RPH3A: variants seen among roughly 807,000 people sequenced by gnomAD.
RPH3A encodes the protein rabphilin 3A, also known as rabphilin-3A.
Under a neutral mutation model 102.2 loss-of-function variants are expected in RPH3A, and 48 were observed. The observed-to-expected ratio is 0.47, with a 90% CI of 0.37 to 0.60. The LOEUF (loss-of-function observed/expected upper bound fraction) is 0.60. Ranked by LOEUF, RPH3A falls within the 20% of genes least tolerant of loss-of-function variation. The probability of loss-of-function intolerance (pLI) is 0.00; values close to 1 mark genes in which losing one functional copy is unlikely to be tolerated. For missense variants in RPH3A, 781 were observed against 910.1 expected, an observed-to-expected ratio of 0.86 and a Z score of 1.83; for synonymous variants, 310 against 324.3, an observed-to-expected ratio of 0.96 and a Z score of 0.47.
chr12:112,841,156 A>G (rs2042134295), intron 4 of RPH3A, among the ~76,000 whole-genome samples: 1 of 143,170 alleles, frequency 7.0e-6, no homozygotes, highest in Non-Finnish European at 1.5e-5. Flanking sequence ...TGGGCAACAT[A>G]ACAAGACCTT....
chr12:112,871,280 T>C (rs528156760), intron 10 of RPH3A, among the ~76,000 whole-genome samples: 1 of 152,384 alleles, frequency 6.6e-6, no homozygotes, highest in South Asian at 2.1e-4. Context: ...TACACAACCA[T>C]GCCACTATCC....
At chr12:112,819,807 T>C (rs1452935624) in intron 2 of RPH3A, among the ~76,000 whole-genome samples, 1 of 152,248 alleles carries the variant, frequency 6.6e-6, no homozygotes, top group Non-Finnish European at 1.5e-5. Context: ...TGATTGCTCA[T>C]TCTCCAGCAG....
intron 2 of RPH3A, among the ~76,000 whole-genome samples, chr12:112,826,485 A>C (rs1205784087): frequency 6.6e-6 from 1 of 152,194 alleles, no homozygotes; most frequent in African/African-American, 2.4e-5. Context: ...TCAAGAGTTT[A>C]GCTTGATGGC....
At chr12:112,722,641 T>A (rs755435484) in intron 1 of RPH3A, among the ~76,000 whole-genome samples, 1 of 152,234 alleles carries the variant, frequency 6.6e-6, no homozygotes, top group African/African-American at 2.4e-5. Flanking sequence ...TAAGGGAGGC[T>A]GGGCCAAATG....
chr12:112,660,913 A>G (rs1036297654), intron 1 of RPH3A, among the ~76,000 whole-genome samples: 1 of 152,142 alleles, frequency 6.6e-6, no homozygotes, highest in African/African-American at 2.4e-5. Context: ...ACAGCTGGGC[A>G]GTAGAGCCTC....
At chr12:112,871,502 C>T (rs369564466) in intron 10 of RPH3A, among the ~76,000 whole-genome samples, 3 of 152,158 alleles carry the variant, frequency 2.0e-5, no homozygotes, top group Admixed American at 6.5e-5. Flanking sequence ...AAGGTTCACC[C>T]GTGTTGTAGC....
rs142498556 is a variant in RPH3A, at chr12:112,762,902, A to G, written c.-139-29241A>G. Among the ~76,000 whole-genome samples, 724 of 152,318 alleles carry G rather than the reference A, an allele frequency of 4.8e-3. 5 individuals are homozygous for G. The highest frequency in any genetic ancestry group is 0.016 in the African/African-American group (680 of 41,562). ...CTCCATCCAATCACTGTGGCCAGGAAGAAGGAATATGCTGATCGGACAGAT... is the reference window on the plus strand; with the variant it reads ...CTCCATCCAATCACTGTGGCCAGGAGGAAGGAATATGCTGATCGGACAGAT... On this transcript the variant is annotated intron_variant, in intron 1 of 21. Coordinates refer to the RPH3A transcript ENST00000543106.
chr12:112,710,132 G>T (rs1379423064), intron 1 of RPH3A, among the ~76,000 whole-genome samples: 1 of 151,998 alleles, frequency 6.6e-6, no homozygotes, highest in East Asian at 1.9e-4. Context: ...CCGCCACTAC[G>T]CCCGGCTAAT....
chr12:112,669,364 C>A (rs2040111538), intron 1 of RPH3A, among the ~76,000 whole-genome samples: 1 of 152,086 alleles, frequency 6.6e-6, no homozygotes, highest in South Asian at 2.1e-4. Flanking sequence ...ATCATGTGCC[C>A]ATAATAATTA....
intron 1 of RPH3A, among the ~76,000 whole-genome samples, chr12:112,668,360 C>A (rs879496731): frequency 3.9e-5 from 6 of 152,144 alleles, no homozygotes; most frequent in Admixed American, 2.0e-4. Flanking sequence ...AAGTCAGCAA[C>A]CTTCCAATTT....
intron 1 of RPH3A, among the ~76,000 whole-genome samples, chr12:112,603,762 C>A (rs541282431): frequency 3.3e-5 from 5 of 152,276 alleles, no homozygotes; most frequent in Admixed American, 3.3e-4. Context: ...ATACCCAACA[C>A]CCTGGGAAAA....
intron 10 of RPH3A, chr12:112,874,037 C>T (rs1274327760): frequency 6.6e-6 from 1 of 152,226 alleles, no homozygotes. Context: ...GAACCTGGGA[C>T]AAGACTTGGT....
intron 1 of RPH3A, among the ~76,000 whole-genome samples, chr12:112,700,790 G>T (rs1025289335): frequency 2.6e-5 from 4 of 152,118 alleles, no homozygotes; most frequent in African/African-American, 9.7e-5. Flanking sequence ...TAAAAGTTGA[G>T]GTTCTCCAAA....
intron 1 of RPH3A, among the ~76,000 whole-genome samples, chr12:112,755,310 C>T (rs1277698511): frequency 1.5e-5 from 2 of 136,516 alleles, no homozygotes; most frequent in Non-Finnish European, 3.3e-5. Context: ...CACACACACA[C>T]ACACACACAC....
intron 1 of RPH3A, among the ~76,000 whole-genome samples, chr12:112,621,851 C>T (rs987058340): frequency 5.9e-5 from 9 of 151,448 alleles, no homozygotes; most frequent in Non-Finnish European, 4.4e-5. Flanking sequence ...CAGCATGCAG[C>T]TGGAGATCTG....
At chr12:112,826,099 A>AC (rs201334233) in intron 2 of RPH3A, among the ~76,000 whole-genome samples, 6 of 141,280 alleles carry the variant, frequency 4.2e-5, no homozygotes, top group Non-Finnish European at 6.0e-5. Flanking sequence ...CCCTACACCG[A>AC]CCCCGCTGTG....
At chr12:112,730,129 T>C (rs1396050495) in intron 1 of RPH3A, among the ~76,000 whole-genome samples, 1 of 152,218 alleles carries the variant, frequency 6.6e-6, no homozygotes, top group Non-Finnish European at 1.5e-5. Flanking sequence ...GAACAGATCC[T>C]TCCCTTACAG....
At chr12:112,725,952 C>T (rs1289491778) in intron 1 of RPH3A, among the ~76,000 whole-genome samples, 2 of 152,034 alleles carry the variant, frequency 1.3e-5, no homozygotes, top group South Asian at 2.1e-4. Context: ...CCCGCCACCA[C>T]GCCCGGCTAA....
intron 1 of RPH3A, among the ~76,000 whole-genome samples, chr12:112,597,976 A>ACAAAC (rs1350932827): frequency 2.0e-5 from 3 of 152,212 alleles, no homozygotes; most frequent in African/African-American, 7.2e-5. Flanking sequence ...TTCCAGGACT[A>ACAAAC]CAAACAACTT....
Sources: allele counts gnomAD v4.1 joint callset (sites outside exome capture counted in the v4.1 genomes callset), GRCh38; gene constraint gnomAD v4.1.1; transcripts MANE v1.5; gene names NCBI Gene and HGNC (gene_info 2026-07-23, HGNC 2026-07-21).